Variants in LARGE1 observed in about 807,000 individuals in gnomAD.
LARGE1 encodes the protein LARGE xylosyl- and glucuronyltransferase 1.
In LARGE1, 43 loss-of-function variants were observed where a neutral mutation model predicts 87.6. The ratio of observed to expected loss-of-function variants is 0.49; its 90% CI spans 0.38 to 0.63. The LOEUF is 0.63. Ranked by LOEUF, LARGE1 falls within the 30% of genes least tolerant of loss-of-function variation. The pLI is 0.00. For synonymous variants in LARGE1, 434 were observed against 394.6 expected, an observed-to-expected ratio of 1.10 and a Z score of -1.18; for missense variants, 802 against 1,000.2, an observed-to-expected ratio of 0.80 and a Z score of 2.67.
intron 10 of LARGE1, among the ~76,000 whole-genome samples, chr22:33,333,783 T>C (rs1938054387): frequency 6.6e-6 from 1 of 152,160 alleles, no homozygotes; most frequent in Non-Finnish European, 1.5e-5. Context: ...GAAACGAACA[T>C]ATGAACCAGG....
intron 9 of LARGE1, among the ~76,000 whole-genome samples, chr22:33,364,141 GC>G (rs1006873245): frequency 4.6e-5 from 7 of 151,508 alleles, no homozygotes; most frequent in African/African-American, 1.7e-4. Context: ...TGCAAACTCC[GC>G]CCCCCGGGTT....
rs267607210 is a variant in LARGE1, at chr22:33,384,205, G to C, written c.992C>G (p.Ser331Cys). 6.2e-7 allele frequency: 1 copy of C among 1,613,466 alleles called. No individual in the cohort carries two copies. The highest frequency in any genetic ancestry group is 1.7e-5 in the Admixed American group (1 of 60,030). The stretch of plus-strand genomic sequence containing the variant: ...CTGGCCACTCACCTGGTCAGCTAAG[G>C]ATGTAGAGAGCATGCCCATGAGCTC... ...ERELMGMLST[S>C]LADQDIFNAV... is the part of the protein sequence containing the mutation. Residue 331 changes from serine (S) to cysteine (C), a missense_variant, in exon 8 of 15, where the codon TCC becomes TGC. Coordinates refer to ENST00000397394, the MANE Select transcript of LARGE1 (RefSeq NM_133642.5).
intron 1 of LARGE1, among the ~76,000 whole-genome samples, chr22:33,849,657 G>A (rs1480994696): frequency 7.4e-6 from 1 of 135,038 alleles, no homozygotes; most frequent in Admixed American, 8.1e-5. Context: ...GGAGTGCAGT[G>A]GTGCGATCTT....
intron 2 of LARGE1, among the ~76,000 whole-genome samples, chr22:33,679,714 C>T (rs2081692478): frequency 6.6e-6 from 1 of 152,074 alleles, no homozygotes; most frequent in Non-Finnish European, 1.5e-5. Flanking sequence ...TGATGGCAGG[C>T]TCCTGTAATC....
intron 5 of LARGE1, among the ~76,000 whole-genome samples, chr22:33,584,999 C>A (rs1310633357): frequency 2.6e-5 from 4 of 152,068 alleles, no homozygotes; most frequent in African/African-American, 9.7e-5. Context: ...CGCCTGTAAT[C>A]CCAGCTGCTC....
the LARGE1 span, among the ~76,000 whole-genome samples, chr22:33,079,221 CTTTTTTTTTTTT>C: frequency 2.3e-5 from 2 of 85,776 alleles, no homozygotes; most frequent in South Asian, 4.3e-4. Flanking sequence ...AGTTATCATT[CTTTTTTTTTTTT>C]TTTTTTTTTT....
intron 2 of LARGE1, among the ~76,000 whole-genome samples, chr22:33,759,790 A>G (rs924289233): frequency 6.6e-6 from 1 of 152,146 alleles, no homozygotes; most frequent in African/African-American, 2.4e-5. Flanking sequence ...TCCTTACATC[A>G]AGACCAACAT....
At chr22:33,124,745 T>C in the LARGE1 span, among the ~76,000 whole-genome samples, 1 of 152,190 alleles carries the variant, frequency 6.6e-6, no homozygotes, top group African/African-American at 2.4e-5. Flanking sequence ...CTCACACCTG[T>C]GATCCCAGCC....
the LARGE1 span, among the ~76,000 whole-genome samples, chr22:33,145,684 T>C: frequency 1.3e-5 from 2 of 152,220 alleles, no homozygotes; most frequent in Non-Finnish European, 2.9e-5. Context: ...ACTAACAGCA[T>C]GGGCCTTTTC....
At chr22:33,604,862 G>GT (rs1409608254) in intron 4 of LARGE1, among the ~76,000 whole-genome samples, 1 of 152,050 alleles carries the variant, frequency 6.6e-6, no homozygotes, top group Non-Finnish European at 1.5e-5. Flanking sequence ...TCTGAAAGCC[G>GT]TAAGTAGAGC....
At chr22:33,487,043 C>T (rs2069619110) in intron 6 of LARGE1, among the ~76,000 whole-genome samples, 1 of 152,224 alleles carries the variant, frequency 6.6e-6, no homozygotes, top group Non-Finnish European at 1.5e-5. Context: ...TGAGTGACTG[C>T]AGCCTAAGTC....
chr22:33,216,487 G>A (rs1925207423), intron 11 of LARGE1, among the ~76,000 whole-genome samples: 2 of 152,026 alleles, frequency 1.3e-5, no homozygotes, highest in South Asian at 4.2e-4. Context: ...AAATAAGCCA[G>A]GCTTGGTGGC....
chr22:33,103,161 C>T, the LARGE1 span, among the ~76,000 whole-genome samples: 6 of 152,100 alleles, frequency 3.9e-5, no homozygotes, highest in Admixed American at 6.5e-5. Flanking sequence ...CAGCCGGGTG[C>T]GTTGGCTCAC....
At chr22:33,545,456 TTC>T (rs1190391335) in intron 6 of LARGE1, among the ~76,000 whole-genome samples, 28 of 129,214 alleles carry the variant, frequency 2.2e-4, no homozygotes, top group Non-Finnish European at 6.7e-5. Flanking sequence ...ACACAATTTC[TTC>T]TGAGTTGGAG....
intron 2 of LARGE1, among the ~76,000 whole-genome samples, chr22:33,739,118 C>T (rs567725602): frequency 9.2e-5 from 14 of 151,966 alleles, no homozygotes; most frequent in African/African-American, 2.7e-4. Context: ...GTACATGCCT[C>T]GCAAGTTTGT....
the LARGE1 span, among the ~76,000 whole-genome samples, chr22:33,130,354 G>T: frequency 7.6e-6 from 1 of 131,730 alleles, no homozygotes; most frequent in Non-Finnish European, 1.6e-5. Context: ...AGCAGGCATG[G>T]TGGTGCATTC....
At chr22:33,743,803 C>A (rs1228986219) in intron 2 of LARGE1, among the ~76,000 whole-genome samples, 1 of 152,216 alleles carries the variant, frequency 6.6e-6, no homozygotes, top group South Asian at 2.1e-4. Context: ...CATTATTCTA[C>A]AATCCAGTAA....
chr22:33,296,944 T>C (rs1933365442), intron 12 of LARGE1, among the ~76,000 whole-genome samples: 1 of 152,234 alleles, frequency 6.6e-6, no homozygotes, highest in African/African-American at 2.4e-5. Flanking sequence ...GTAAGATGAA[T>C]TGTGGTGAGC....
At chr22:33,600,988 T>A (rs111679873) in intron 5 of LARGE1, among the ~76,000 whole-genome samples, 2 of 152,086 alleles carry the variant, frequency 1.3e-5, no homozygotes, top group African/African-American at 4.8e-5. Context: ...AAGAATCACT[T>A]GAACCCAGGA....
Sources: allele counts gnomAD v4.1 joint callset (sites outside exome capture counted in the v4.1 genomes callset), GRCh38; gene constraint gnomAD v4.1.1; transcripts MANE v1.5; gene names NCBI Gene and HGNC (gene_info 2026-07-23, HGNC 2026-07-21).